The following PCDH15 variants were observed in gnomAD, a reference collection of about 807,000 sequenced individuals.
The protein encoded by PCDH15 is protocadherin related 15.
In PCDH15, 129 loss-of-function variants were observed where a neutral mutation model predicts 178.5. The ratio of observed to expected loss-of-function variants is 0.72; its 90% CI spans 0.63 to 0.84. The LOEUF is 0.84. Ranked by LOEUF, PCDH15 falls within the 40% of genes least tolerant of loss-of-function variation. The probability of loss-of-function intolerance (pLI) is 0.00; values close to 1 mark genes in which losing one functional copy is unlikely to be tolerated. For synonymous variants in PCDH15, 800 were observed against 732.0 expected (o/e 1.09, Z -1.50); for missense variants, 2,230 against 2,099.9 (o/e 1.06, Z -1.21).
At chr10:54,542,366 G>T (rs2085340690) in intron 2 of PCDH15, among the ~76,000 whole-genome samples, 1 of 152,136 alleles carries the variant, frequency 6.6e-6, no homozygotes, top group Admixed American at 6.5e-5. Context: ...CAGGTAACTG[G>T]AAATTTAGAA....
rs1183014575 is a variant in PCDH15, at chr10:54,923,976, T to C, written c.-79-26476A>G. Among the ~76,000 whole-genome samples the C allele has an allele frequency of 1.5e-5, 2 of 137,620 alleles. 1 individual carries two copies. The highest frequency in any genetic ancestry group is 1.4e-4 in the Admixed American group (2 of 14,014). 90.3% of individuals were successfully genotyped at this position (137,620 alleles called of 152,430 possible). Reference sequence around the variant, plus strand: ...GGTACTAATTTTCTGTATTAGTACATTGTCACATAGCTAAAAAGAACTATC... The same window carrying C: ...GGTACTAATTTTCTGTATTAGTACACTGTCACATAGCTAAAAAGAACTATC... On this transcript the variant is annotated intron_variant, in intron 2 of 5. Transcript: ENST00000458638.
chr10:54,255,521 C>A (rs1051264511), intron 8 of PCDH15, among the ~76,000 whole-genome samples: 1 of 152,024 alleles, frequency 6.6e-6, no homozygotes, highest in African/African-American at 2.4e-5. Flanking sequence ...GAAGTTTATG[C>A]TGCAAAATGT....
intron 2 of PCDH15, among the ~76,000 whole-genome samples, chr10:55,395,486 G>A (rs2488833): frequency 0.61 from 92,666 of 151,784 alleles, 29,372 homozygotes; most frequent in African/African-American, 0.75. Context: ...AAATTTTAAA[G>A]GTCACAATAA....
At chr10:54,119,637 A>T (rs2095179843) in intron 15 of PCDH15, among the ~76,000 whole-genome samples, 2 of 152,312 alleles carry the variant, frequency 1.3e-5, no homozygotes, top group South Asian at 4.1e-4. Flanking sequence ...AGAAACAAGA[A>T]ATCAAGAGAA....
intron 2 of PCDH15, among the ~76,000 whole-genome samples, chr10:55,536,492 CA>C (rs1841580950): frequency 6.6e-6 from 1 of 152,036 alleles, no homozygotes; most frequent in Admixed American, 6.6e-5. Flanking sequence ...TTAAAATATG[CA>C]AATATCAGTA....
chr10:54,542,755 G>C (rs1441048884), intron 2 of PCDH15, among the ~76,000 whole-genome samples: 1 of 152,248 alleles, frequency 6.6e-6, no homozygotes, highest in East Asian at 1.9e-4. Flanking sequence ...ATGGAAGGGG[G>C]AAAGGGAAGT....
intron 2 of PCDH15, among the ~76,000 whole-genome samples, chr10:54,574,266 C>A (rs2090203463): frequency 1.3e-5 from 2 of 151,024 alleles, no homozygotes; most frequent in South Asian, 4.2e-4. Context: ...TTCCCAGCAC[C>A]ATTTATTAAA....
intron 17 of PCDH15, among the ~76,000 whole-genome samples, chr10:54,074,772 T>C (rs1483491701): frequency 1.3e-5 from 2 of 152,204 alleles, no homozygotes; most frequent in Admixed American, 1.3e-4. Flanking sequence ...AAACTACCAC[T>C]GTTTTCCACA....
At chr10:55,246,719 C>CA (rs140398030) in intron 1 of PCDH15, among the ~76,000 whole-genome samples, 8,892 of 152,050 alleles carry the variant, frequency 0.058, 334 homozygotes, top group Non-Finnish European at 0.089. Flanking sequence ...GATCATTTTG[C>CA]AAAAAATCAT....
At chr10:55,590,681 C>A (rs1172146587) in intron 2 of PCDH15, among the ~76,000 whole-genome samples, 1 of 151,928 alleles carries the variant, frequency 6.6e-6, no homozygotes, top group Non-Finnish European at 1.5e-5. Flanking sequence ...CAGAGGTGGG[C>A]CAAAACCTCA....
intron 1 of PCDH15, among the ~76,000 whole-genome samples, chr10:54,696,751 G>C (rs1297232377): frequency 6.6e-6 from 1 of 151,318 alleles, no homozygotes; most frequent in African/African-American, 2.4e-5. Context: ...CTTTATTTTA[G>C]CATGCCCATT....
intron 1 of PCDH15, among the ~76,000 whole-genome samples, chr10:55,185,743 G>A (rs1040952269): frequency 2.6e-5 from 4 of 151,472 alleles, no homozygotes; most frequent in African/African-American, 7.3e-5. Context: ...TTGCAGCCTC[G>A]AAGGTTGACA....
chr10:54,233,481 T>C (rs555776617), intron 9 of PCDH15, among the ~76,000 whole-genome samples: 1 of 152,256 alleles, frequency 6.6e-6, no homozygotes, highest in Non-Finnish European at 1.5e-5. Flanking sequence ...ATTCCATTTT[T>C]GTCAGAGAAT....
At chr10:54,150,538 CT>C (rs949482611) in intron 14 of PCDH15, among the ~76,000 whole-genome samples, 2 of 151,840 alleles carry the variant, frequency 1.3e-5, no homozygotes, top group East Asian at 1.9e-4. Flanking sequence ...CTGAATCCTA[CT>C]TTTTTTCTAT....
chr10:54,717,358 T>C (rs1248364013), intron 1 of PCDH15, among the ~76,000 whole-genome samples: 3 of 124,160 alleles, frequency 2.4e-5, no homozygotes, highest in Non-Finnish European at 5.1e-5. Flanking sequence ...CGCAACCTAC[T>C]CATCTGACAA....
chr10:54,661,476 C>T (rs2094490388), intron 2 of PCDH15, among the ~76,000 whole-genome samples: 16 of 151,732 alleles, frequency 1.1e-4, no homozygotes. Context: ...GACTGTACTG[C>T]CCAAAGCGAG....
intron 3 of PCDH15, among the ~76,000 whole-genome samples, chr10:54,855,454 T>C (rs1953722171): frequency 1.3e-5 from 2 of 152,182 alleles, no homozygotes; most frequent in African/African-American, 2.4e-5. Flanking sequence ...ACTGTCATCA[T>C]TTAGAGTAAA....
chr10:55,456,154 C>T (rs1839546592), intron 2 of PCDH15, among the ~76,000 whole-genome samples: 1 of 151,718 alleles, frequency 6.6e-6, no homozygotes, highest in Admixed American at 6.6e-5. Context: ...ATGAGAAAAG[C>T]AAAATACATA....
intron 1 of PCDH15, among the ~76,000 whole-genome samples, chr10:54,712,609 G>A (rs2095437744): frequency 6.6e-6 from 1 of 151,910 alleles, no homozygotes; most frequent in South Asian, 2.1e-4. Context: ...TCTCCAGCTG[G>A]AAAAAGTGTA....
Sources: allele counts gnomAD v4.1 joint callset (sites outside exome capture counted in the v4.1 genomes callset), GRCh38; gene constraint gnomAD v4.1.1; transcripts MANE v1.5; gene names NCBI Gene and HGNC (gene_info 2026-07-23, HGNC 2026-07-21).